Variants in RBMS3 observed in about 807,000 individuals in gnomAD.
RBMS3 encodes RNA-binding motif, single-stranded-interacting protein 3.
In RBMS3, 27 loss-of-function variants were observed where a neutral mutation model predicts 66.8. The observed-to-expected ratio is 0.40, with a 90% CI of 0.30 to 0.56. The LOEUF (loss-of-function observed/expected upper bound fraction) is 0.56. RBMS3 is among the 20% of genes least tolerant of loss of function. The pLI is 0.40. For missense variants in RBMS3, 513 were observed against 549.5 expected, an observed-to-expected ratio of 0.93 and a Z score of 0.66; for synonymous variants, 188 against 183.0, an observed-to-expected ratio of 1.03 and a Z score of -0.22.
intron 2 of RBMS3, among the ~76,000 whole-genome samples, chr3:29,456,406 T>C (rs1575865955): frequency 6.6e-6 from 1 of 152,176 alleles, no homozygotes; most frequent in Non-Finnish European, 1.5e-5. Context: ...AGCACAAATA[T>C]CTGCACAATG....
chr3:29,884,206 T>A lies in RBMS3; in HGVS notation c.789T>A (p.Asn263Lys). ...LTYDPTAAIQ[N>K]GFYSSPYSIA... ...ATGACCCCACAGCTGCCATACAGAA[T>A]GGGTAAGTAGATCACATTTTCTCTA... is the stretch of plus-strand genomic sequence containing the variant. Residue 263 changes from asparagine to lysine, a missense_variant and splice_region_variant, in exon 8 of 15, where the codon AAT (asparagine) becomes AAA (lysine). Asn to Lys is a moderately conservative substitution (Grantham distance 94). Coordinates refer to ENST00000383767, the MANE Select transcript of RBMS3 (RefSeq NM_001003793.3). 2.5e-6 allele frequency: 4 copies of A among 1,609,468 alleles called. No individual in the cohort carries two copies. The highest frequency in any genetic ancestry group is 3.4e-6 in the Non-Finnish European group (4 of 1,176,370).
rs77291365 is a variant in RBMS3, at chr3:29,830,495, A to G, written c.638-38363A>G. Among the ~76,000 whole-genome samples, 1,044 of 152,252 alleles carry G rather than the reference A, an allele frequency of 6.9e-3. 8 individuals carry two copies. The highest frequency in any genetic ancestry group is 0.024 in the African/African-American group (996 of 41,566). On this transcript the variant is annotated intron_variant, in intron 6 of 14. Transcript: ENST00000383767. ...TAAAACAAAAGAAAGAAATCTCAAA[A>G]TACGTGCCCTTTTGATTGTGGTTAT...
At chr3:29,666,007 G>T (rs954521756) in intron 4 of RBMS3, among the ~76,000 whole-genome samples, 1 of 152,034 alleles carries the variant, frequency 6.6e-6, no homozygotes, top group African/African-American at 2.4e-5. Flanking sequence ...TCACCTTCTT[G>T]CTTCCTCTGT....
rs373961426 is a variant in RBMS3, at chr3:29,664,262, G to A, written c.400-75458G>A. Among the ~76,000 whole-genome samples, 15 of 152,226 alleles carry A rather than the reference G, an allele frequency of 9.9e-5. No homozygotes were observed. The East Asian group carries it at 1.2e-3, about 12-fold the overall frequency. ...CCCAACACTTTTGGAGGCCAAGGCA[G>A]GAAGATCACAAGGTCAAGAGATCGA... On this transcript the variant is annotated intron_variant, in intron 4 of 14. Transcript: ENST00000383767.
At chr3:29,492,479 G>A (rs1254117425) in intron 3 of RBMS3, among the ~76,000 whole-genome samples, 1 of 152,142 alleles carries the variant, frequency 6.6e-6, no homozygotes, top group Non-Finnish European at 1.5e-5. Context: ...TATTGGAATT[G>A]CCAAGAAATG....
At chr3:29,770,697 C>T (rs185001396) in intron 6 of RBMS3, among the ~76,000 whole-genome samples, 20 of 152,066 alleles carry the variant, frequency 1.3e-4, no homozygotes, top group Admixed American at 1.0e-3. Flanking sequence ...GCTTCTAAGA[C>T]CATGTTGGGC....
chr3:29,737,090 C>T (rs2054414961), intron 4 of RBMS3, among the ~76,000 whole-genome samples: 1 of 152,022 alleles, frequency 6.6e-6, no homozygotes, highest in Non-Finnish European at 1.5e-5. Context: ...CATTCTCCTG[C>T]CTCAGCCTCC....
chr3:29,492,775 G>A (rs578107260), intron 3 of RBMS3, among the ~76,000 whole-genome samples: 6 of 152,258 alleles, frequency 3.9e-5, no homozygotes, highest in Admixed American at 3.9e-4. Context: ...AGGAAGTAGT[G>A]TCCTCAGGGT....
intron 4 of RBMS3, among the ~76,000 whole-genome samples, chr3:29,717,237 G>A (rs1193780195): frequency 2.6e-5 from 4 of 152,020 alleles, no homozygotes; most frequent in Non-Finnish European, 5.9e-5. Flanking sequence ...TACATAATAA[G>A]TGCTCAATAA....
chr3:29,628,955 A>G (rs2049173399), intron 4 of RBMS3, among the ~76,000 whole-genome samples: 1 of 152,026 alleles, frequency 6.6e-6, no homozygotes, highest in Non-Finnish European at 1.5e-5. Context: ...CATCAAGACC[A>G]TCGTTGACAC....
intron 4 of RBMS3, among the ~76,000 whole-genome samples, chr3:29,613,287 A>G (rs2149136876): frequency 6.6e-6 from 1 of 150,712 alleles, no homozygotes; most frequent in South Asian, 2.1e-4. Context: ...GGCTGTCCTA[A>G]TTGACATTCT....
At chr3:29,607,605 C>G (rs1041635111) in intron 4 of RBMS3, among the ~76,000 whole-genome samples, 1 of 151,928 alleles carries the variant, frequency 6.6e-6, no homozygotes, top group Non-Finnish European at 1.5e-5. Context: ...AGCAGCTGTA[C>G]AATTGGCAAA....
At chr3:30,003,269 T>C (rs548994008) in intron 14 of RBMS3, among the ~76,000 whole-genome samples, 1 of 152,136 alleles carries the variant, frequency 6.6e-6, no homozygotes, top group East Asian at 1.9e-4. Context: ...ATTTTTCTAG[T>C]TAAACACCTA....
At chr3:29,934,881 A>G (rs955568061) in intron 10 of RBMS3, among the ~76,000 whole-genome samples, 7 of 152,122 alleles carry the variant, frequency 4.6e-5, no homozygotes, top group African/African-American at 1.7e-4. Flanking sequence ...CGATAATACC[A>G]GGAAGAATTG....
chr3:29,659,303 T>C (rs1489907419), intron 4 of RBMS3, among the ~76,000 whole-genome samples: 1 of 152,190 alleles, frequency 6.6e-6, no homozygotes, highest in Non-Finnish European at 1.5e-5. Flanking sequence ...CATAATGTTG[T>C]GCAACCATTA....
At chr3:29,702,623 A>G (rs1355392932) in intron 4 of RBMS3, among the ~76,000 whole-genome samples, 1 of 152,180 alleles carries the variant, frequency 6.6e-6, no homozygotes, top group Non-Finnish European at 1.5e-5. Context: ...GGCCAGCGAG[A>G]CCACAAACCC....
chr3:29,884,356 T>C, intron 8 of RBMS3, 148 bp downstream of exon 8: 3 of 701,442 alleles, frequency 4.3e-6, no homozygotes, highest in Non-Finnish European at 6.9e-6. Context: ...TCATTATAGT[T>C]TTTTTCATCC....
chr3:29,514,660 T>TATATATATATATATAC lies in RBMS3; in HGVS notation c.307+26176_307+26177insCATATATATATATATA, dbSNP rs1553614283. Among the ~76,000 whole-genome samples the TATATATATATATATAC allele has an allele frequency of 9.5e-4, 135 of 142,678 alleles. 2 individuals carry two copies. Among genetic ancestry groups the TATATATATATATATAC allele is most frequent in the African/African-American group, 2.9e-3 (111 of 37,648 alleles). 93.6% of individuals were successfully genotyped at this position (142,678 alleles called of 152,430 possible). On this transcript the variant is annotated intron_variant, in intron 3 of 14. Transcript: ENST00000383767. ...TATGTGTGATAGGCACATATATATA[T>TATATATATATATATAC]ATATATATATATATATATATGATAG... is the stretch of plus-strand genomic sequence containing the variant.
chr3:29,766,480 T>A (rs2055933917), intron 6 of RBMS3: 1 of 152,000 alleles, frequency 6.6e-6, no homozygotes, highest in Non-Finnish European at 1.5e-5. Flanking sequence ...GTTGGAATAA[T>A]TTGCTAATTA....
Sources: allele counts gnomAD v4.1 joint callset (sites outside exome capture counted in the v4.1 genomes callset), GRCh38; gene constraint gnomAD v4.1.1; transcripts MANE v1.5; gene names NCBI Gene and HGNC (gene_info 2026-07-23, HGNC 2026-07-21).